The following STARD13 variants were observed in gnomAD, a reference collection of about 807,000 sequenced individuals.
STARD13 encodes the protein stAR-related lipid transfer protein 13.
A neutral mutation model predicts 106.4 loss-of-function variants in STARD13; 62 were observed. That is an observed-to-expected ratio of 0.58 (90% CI 0.48 to 0.72). The LOEUF is 0.72. Among genes scored for constraint, STARD13 ranks in the 30% least tolerant of loss-of-function variants. The pLI is 0.00. For missense variants in STARD13, 1,387 were observed against 1,424.0 expected (o/e 0.97, Z 0.42); for synonymous variants, 565 against 553.0 (o/e 1.02, Z -0.31).
At chr13:33,376,230 GTCAT>G in the STARD13 span, among the ~76,000 whole-genome samples, 2 of 150,934 alleles carry the variant, frequency 1.3e-5, no homozygotes, top group African/African-American at 2.5e-5. Context: ...TGAAGTGATA[GTCAT>G]TCATTCATTC....
At chr13:33,186,619 T>C (rs978731228) in intron 1 of STARD13, among the ~76,000 whole-genome samples, 2 of 152,192 alleles carry the variant, frequency 1.3e-5, no homozygotes, top group East Asian at 1.9e-4. Context: ...AGCTTTATGG[T>C]ACTTCTTTTT....
At chr13:33,127,617 C>T in intron 5 of STARD13, 71 bp from the exon 6 acceptor site, 1 of 1,437,010 alleles carries the variant, frequency 7.0e-7, no homozygotes, top group South Asian at 1.3e-5. Flanking sequence ...GGGACATCAC[C>T]AAGGTACACG....
chr13:33,403,159 C>T, the STARD13 span, among the ~76,000 whole-genome samples: 13 of 152,346 alleles, frequency 8.5e-5, no homozygotes, highest in East Asian at 2.5e-3. Context: ...GGCTCCTGTA[C>T]CTGCCCATCT....
At chr13:33,108,836 A>G (rs1874128315) in intron 12 of STARD13, among the ~76,000 whole-genome samples, 2 of 152,250 alleles carry the variant, frequency 1.3e-5, no homozygotes, top group Non-Finnish European at 2.9e-5. Context: ...GAGTGAAAGC[A>G]TGAAGTTTAA....
chr13:33,545,815 A>G, the STARD13 span, among the ~76,000 whole-genome samples: 2 of 152,122 alleles, frequency 1.3e-5, no homozygotes, highest in African/African-American at 2.4e-5. Context: ...ACCTTCACCC[A>G]CAAGTGGAAA....
chr13:33,502,751 G>T, the STARD13 span, among the ~76,000 whole-genome samples: 1 of 152,178 alleles, frequency 6.6e-6, no homozygotes, highest in Admixed American at 6.5e-5. Context: ...GATCATAGTG[G>T]ATAAGTTTTT....
At chr13:33,377,455 C>G in the STARD13 span, among the ~76,000 whole-genome samples, 3 of 152,182 alleles carry the variant, frequency 2.0e-5, no homozygotes, top group African/African-American at 7.2e-5. Flanking sequence ...GGTCTTTTAT[C>G]TATCCAGAAT....
At position 33,142,329 on chromosome 13, in the gene STARD13, A is replaced by G. The variant is rs1247215823; in HGVS notation, c.368T>C (p.Val123Ala). The G allele has an allele frequency of 6.2e-7, 1 of 1,614,086 alleles. No homozygotes were observed. The highest frequency in any genetic ancestry group is 1.1e-5 in the South Asian group (1 of 91,078). The change falls in exon 4 of 14, where the codon GTG becomes GCG. Residue 123 changes from valine to alanine, a missense_variant. Transcript: ENST00000336934. ...ACCTACCTTTTTCCTTTGGAAGTTC[A>G]CATCAAGTTTCATTGAGGCACACTT... ...LNKCASMKLD[V>A]NFQRKKGDDS...
intron 1 of STARD13, among the ~76,000 whole-genome samples, chr13:33,226,183 T>C (rs1888615243): frequency 2.0e-5 from 3 of 152,240 alleles, no homozygotes. Context: ...ATTTCTGTTG[T>C]TTAAGCCACT....
upstream of STARD13, among the ~76,000 whole-genome samples, chr13:33,289,145 G>A (rs982852396): frequency 1.3e-5 from 2 of 152,112 alleles, no homozygotes; most frequent in African/African-American, 4.8e-5. Context: ...GCATCTTCCA[G>A]GACTGACACC....
chr13:33,116,478 C>T (rs555582530), intron 8 of STARD13, among the ~76,000 whole-genome samples: 7 of 152,196 alleles, frequency 4.6e-5, no homozygotes, highest in Admixed American at 6.5e-5. Context: ...ATGCTAAGCA[C>T]GGTGCCCAGT....
intron 1 of STARD13, among the ~76,000 whole-genome samples, chr13:33,273,768 A>G (rs1465330038): frequency 1.3e-5 from 2 of 152,250 alleles, no homozygotes; most frequent in Admixed American, 1.3e-4. Context: ...CATGCATTGT[A>G]CAGCACTTTT....
At chr13:33,651,855 T>A in the STARD13 span, among the ~76,000 whole-genome samples, 1 of 152,198 alleles carries the variant, frequency 6.6e-6, no homozygotes, top group Non-Finnish European at 1.5e-5. Context: ...GAAATGAGAA[T>A]GGGCCTAGCT....
Position 33,129,177 on chromosome 13 carries a change from G to A in STARD13, c.1500C>T (p.Val500=), listed in dbSNP as rs192691086. The A allele has an allele frequency of 3.7e-6, 6 of 1,614,178 alleles. No individual in the cohort carries two copies. The African/African-American group carries it at 4.0e-5, about 11-fold the overall frequency. ...LQHVNGLQEV[V]DDWSKDVLPE... Reference sequence around the variant, plus strand: ...GCAAGACATCTTTGGACCAGTCATCGACTACCTCTTGGAGCCCATTGACAT... The same window carrying A: ...GCAAGACATCTTTGGACCAGTCATCAACTACCTCTTGGAGCCCATTGACAT... The change falls in exon 5 of 14, where the codon GTC becomes GTT. Residue 500 remains valine, a synonymous_variant. Transcript: ENST00000336934.
the STARD13 span, among the ~76,000 whole-genome samples, chr13:33,652,390 G>A: frequency 3.9e-5 from 6 of 152,252 alleles, no homozygotes; most frequent in Admixed American, 6.5e-5. Flanking sequence ...TTTGATGATT[G>A]CATATGTGAT....
intron 6 of STARD13, 132 bp from the exon 7 acceptor site, chr13:33,126,372 C>T: frequency 1.2e-6 from 1 of 860,762 alleles, no homozygotes; most frequent in East Asian, 2.4e-5. Context: ...TCAACATTCT[C>T]TCTGCATTAA....
chr13:33,635,811 C>T, the STARD13 span, among the ~76,000 whole-genome samples: 8 of 149,542 alleles, frequency 5.3e-5, no homozygotes, highest in Admixed American at 4.7e-4. Context: ...GGCGACACCC[C>T]GTCTCTACTA....
the STARD13 span, among the ~76,000 whole-genome samples, chr13:33,610,624 C>T: frequency 6.6e-6 from 1 of 152,252 alleles, no homozygotes; most frequent in African/African-American, 2.4e-5. Context: ...AGTAACCTTG[C>T]AGAGGTCAGC....
At chr13:33,645,074 G>A in the STARD13 span, among the ~76,000 whole-genome samples, 3 of 152,042 alleles carry the variant, frequency 2.0e-5, no homozygotes, top group Admixed American at 6.6e-5. Context: ...TGACCTCGCC[G>A]TTCCTCCCAC....
Sources: gnomAD v4.1 joint callset for allele counts (sites outside exome capture counted in the v4.1 genomes callset) on GRCh38, gnomAD v4.1.1 for gene constraint, MANE v1.5 for transcripts, NCBI Gene and HGNC (gene_info 2026-07-23, HGNC 2026-07-21) for gene names.